The following TMEM132D variants were observed in gnomAD, a reference collection of about 807,000 sequenced individuals.
TMEM132D encodes the protein transmembrane protein 132D.
Under a neutral mutation model 62.3 loss-of-function variants are expected in TMEM132D, and 21 were observed. That is an observed-to-expected ratio of 0.34 (90% CI 0.24 to 0.49). The LOEUF (loss-of-function observed/expected upper bound fraction) is 0.49, where lower values mean the gene tolerates loss of function less well. Among genes scored for constraint, TMEM132D ranks in the 20% least tolerant of loss-of-function variants. The pLI is 0.99. For synonymous variants in TMEM132D, 621 were observed against 575.6 expected (o/e 1.08, Z -1.13); for missense variants, 1,346 against 1,402.8 (o/e 0.96, Z 0.65).
intron 1 of TMEM132D, among the ~76,000 whole-genome samples, chr12:129,823,522 T>A (rs1872588582): frequency 6.6e-6 from 1 of 152,236 alleles, no homozygotes; most frequent in Non-Finnish European, 1.5e-5. Flanking sequence ...CCAGCAGCCT[T>A]TGTAAGGAGA....
chr12:129,735,989 T>C (rs1869411441), intron 1 of TMEM132D, among the ~76,000 whole-genome samples: 1 of 152,184 alleles, frequency 6.6e-6, no homozygotes, highest in Non-Finnish European at 1.5e-5. Flanking sequence ...CACTGTCTCC[T>C]GTCCTAGGCC....
intron 1 of TMEM132D, among the ~76,000 whole-genome samples, chr12:129,733,862 A>T (rs1047009510): frequency 6.6e-6 from 1 of 152,216 alleles, no homozygotes; most frequent in African/African-American, 2.4e-5. Context: ...CTGATGGATC[A>T]GATGTGCCGC....
rs143732486 is a variant in TMEM132D, at chr12:129,691,508, T to C, written c.968+8302A>G. 4.5e-3 allele frequency among the ~76,000 whole-genome samples: 684 copies of C among 152,156 alleles called. 6 individuals are homozygous for C. The highest frequency in any genetic ancestry group is 0.015 in the African/African-American group (612 of 41,558). ...ATGAAAGAAGAGTCATCACTACTGA[T>C]CCTATATAAATTAAAAGGTAAGTTT... is the stretch of plus-strand genomic sequence containing the variant. On this transcript the variant is annotated intron_variant, in intron 2 of 8. Transcript: ENST00000422113.
intron 3 of TMEM132D, among the ~76,000 whole-genome samples, chr12:129,386,041 T>A (rs1871097279): frequency 6.6e-6 from 1 of 152,198 alleles, no homozygotes; most frequent in Non-Finnish European, 1.5e-5. Context: ...ACAAATGGCT[T>A]ATTGGGACAG....
At chr12:129,192,346 G>A (rs749025489) in intron 5 of TMEM132D, among the ~76,000 whole-genome samples, 8 of 152,162 alleles carry the variant, frequency 5.3e-5, no homozygotes, top group Non-Finnish European at 8.8e-5. Context: ...ATCATCACTA[G>A]TTTTACTTAG....
chr12:129,173,931 C>G (rs75086104), intron 5 of TMEM132D, among the ~76,000 whole-genome samples: 3,524 of 152,020 alleles, frequency 0.023, 141 homozygotes, highest in African/African-American at 0.079. Flanking sequence ...AAGAGAGACA[C>G]GAATATCTCC....
At chr12:129,138,102 G>C (rs937441363) in intron 5 of TMEM132D, among the ~76,000 whole-genome samples, 1 of 152,030 alleles carries the variant, frequency 6.6e-6, no homozygotes, top group Non-Finnish European at 1.5e-5. Flanking sequence ...AAATAAATGA[G>C]TTAAATATGA....
At chr12:129,251,875 G>T (rs189700517) in intron 4 of TMEM132D, among the ~76,000 whole-genome samples, 7 of 152,230 alleles carry the variant, frequency 4.6e-5, no homozygotes, top group Admixed American at 2.6e-4. Context: ...TTGATCATCA[G>T]GCAACAATGA....
chr12:129,838,363 A>G (rs929837620), intron 1 of TMEM132D, among the ~76,000 whole-genome samples: 1 of 152,238 alleles, frequency 6.6e-6, no homozygotes, highest in Admixed American at 6.5e-5. Flanking sequence ...GCAATTTGAG[A>G]GAATGCAACG....
At chr12:129,739,602 G>A (rs1448033646) in intron 1 of TMEM132D, among the ~76,000 whole-genome samples, 1 of 152,148 alleles carries the variant, frequency 6.6e-6, no homozygotes, top group Non-Finnish European at 1.5e-5. Flanking sequence ...AAGGTATAGT[G>A]AGTTGCTGCT....
chr12:129,814,711 T>G, intron 1 of TMEM132D, among the ~76,000 whole-genome samples: 1 of 151,806 alleles, frequency 6.6e-6, no homozygotes, highest in East Asian at 1.9e-4. Flanking sequence ...CTTCCAAGCC[T>G]TCCTTTGAGC....
rs184091708 is a variant in TMEM132D, at chr12:129,203,671, C to A, written c.1443+5849G>T. ...ATGTCTGGGCAGGGAACTCCACCCTCTCTTGCCTCCCATAGCCAGACGTGT... is the reference window on the plus strand; with the variant it reads ...ATGTCTGGGCAGGGAACTCCACCCTATCTTGCCTCCCATAGCCAGACGTGT... On this transcript the variant is annotated intron_variant, in intron 5 of 8. Coordinates refer to ENST00000422113, the MANE Select transcript of TMEM132D (RefSeq NM_133448.3). 2.6e-4 allele frequency among the ~76,000 whole-genome samples: 40 copies of A among 152,384 alleles called. No individual in the cohort carries two copies. The East Asian group carries it at 4.4e-3, about 17-fold the overall frequency.
At chr12:129,340,463 C>G (rs182573508) in intron 3 of TMEM132D, among the ~76,000 whole-genome samples, 1 of 151,978 alleles carries the variant, frequency 6.6e-6, no homozygotes, top group African/African-American at 2.4e-5. Flanking sequence ...CCCCTTCCCC[C>G]CACCCCACAA....
intron 1 of TMEM132D, among the ~76,000 whole-genome samples, chr12:129,849,559 T>G (rs964524880): frequency 4.6e-5 from 7 of 152,322 alleles, no homozygotes; most frequent in Non-Finnish European, 1.0e-4. Flanking sequence ...AATTACTAAA[T>G]TACAATACCA....
chr12:129,589,981 T>C (rs1418899062), intron 2 of TMEM132D, among the ~76,000 whole-genome samples: 1 of 152,220 alleles, frequency 6.6e-6, no homozygotes, highest in Non-Finnish European at 1.5e-5. Flanking sequence ...ATGTATCTTG[T>C]TTCTACCCTC....
chr12:129,350,409 G>A (rs1482355997), intron 3 of TMEM132D, among the ~76,000 whole-genome samples: 1 of 152,136 alleles, frequency 6.6e-6, no homozygotes, highest in Admixed American at 6.5e-5. Flanking sequence ...AAATAGTTGG[G>A]TCCACTTATC....
intron 3 of TMEM132D, among the ~76,000 whole-genome samples, chr12:129,339,639 T>C (rs1465356053): frequency 6.6e-6 from 1 of 152,214 alleles, no homozygotes; most frequent in Non-Finnish European, 1.5e-5. Flanking sequence ...CTGGCATTTC[T>C]AGTCACAGCT....
intron 1 of TMEM132D, among the ~76,000 whole-genome samples, chr12:129,708,884 G>A (rs1269878092): frequency 1.3e-5 from 2 of 152,042 alleles, no homozygotes; most frequent in Non-Finnish European, 2.9e-5. Flanking sequence ...TACCTAGATG[G>A]TACATCATAG....
Position 129,826,571 on chromosome 12 carries a change from C to CT in TMEM132D, c.79+76689dup, listed in dbSNP as rs199648017. Among the ~76,000 whole-genome samples, 521 of 152,298 alleles carry CT rather than the reference C, an allele frequency of 3.4e-3. 4 individuals carry two copies. Among genetic ancestry groups the CT allele is most frequent in the East Asian group, 0.024 (122 of 5,176 alleles). ...AGAAAAAGATCTTCTTTGAACTCAACTTTGTACTCATGAAGTGCTGGAATC... is the reference window on the plus strand; with the variant it reads ...AGAAAAAGATCTTCTTTGAACTCAACTTTTGTACTCATGAAGTGCTGGAATC... On this transcript the variant is annotated intron_variant, in intron 1 of 8. Transcript: ENST00000422113.
Sources: gnomAD v4.1 joint callset for allele counts (sites outside exome capture counted in the v4.1 genomes callset) on GRCh38, gnomAD v4.1.1 for gene constraint, MANE v1.5 for transcripts, NCBI Gene and HGNC (gene_info 2026-07-23, HGNC 2026-07-21) for gene names.